Variants in BNC2 observed in about 807,000 individuals in gnomAD.
BNC2 encodes zinc finger protein basonuclin-2.
In BNC2, 20 loss-of-function variants were observed where a neutral mutation model predicts 76.3. That is an observed-to-expected ratio of 0.26 (90% CI 0.18 to 0.38). BNC2 has a LOEUF of 0.38. Ranked by LOEUF, BNC2 falls within the 10% of genes least tolerant of loss-of-function variation. BNC2 has a pLI of 1.00. For synonymous variants in BNC2, 582 were observed against 514.8 expected, an observed-to-expected ratio of 1.13 and a Z score of -1.77; for missense variants, 1,382 against 1,399.8, an observed-to-expected ratio of 0.99 and a Z score of 0.20.
At chr9:16,666,463 A>G (rs1219191188) in intron 3 of BNC2, among the ~76,000 whole-genome samples, 1 of 152,228 alleles carries the variant, frequency 6.6e-6, no homozygotes, top group African/African-American at 2.4e-5. Context: ...TAAAAGAGAG[A>G]AACAACAGCT....
intron 3 of BNC2, among the ~76,000 whole-genome samples, chr9:16,700,757 C>T (rs923738427): frequency 3.3e-5 from 5 of 152,094 alleles, no homozygotes; most frequent in Middle Eastern, 3.4e-3. Flanking sequence ...GTCCAGAGTT[C>T]GAAACCAGCC....
At position 16,799,216 on chromosome 9, in the gene BNC2, G is replaced by C. The variant is rs78253026; in HGVS notation, c.4-60731C>G. ...GAAGCAGAAATTAGTCATAACTCCA[G>C]AGGCAACAACTGATAATATTGACCT... is the stretch of plus-strand genomic sequence containing the variant. On this transcript the variant is annotated intron_variant, in intron 1 of 6. Transcript: ENST00000380672. 6.8e-3 allele frequency among the ~76,000 whole-genome samples: 1,039 copies of C among 152,234 alleles called. 12 individuals are homozygous for C. The highest frequency in any genetic ancestry group is 0.023 in the African/African-American group (968 of 41,554).
chr9:16,499,858 A>G (rs995265075), intron 5 of BNC2, among the ~76,000 whole-genome samples: 5 of 151,878 alleles, frequency 3.3e-5, no homozygotes, highest in African/African-American at 1.2e-4. Context: ...ATAGCCTTCT[A>G]ATTGGTTCTC....
intron 1 of BNC2, among the ~76,000 whole-genome samples, chr9:16,746,115 C>T (rs1824993708): frequency 6.6e-6 from 1 of 152,062 alleles, no homozygotes; most frequent in Non-Finnish European, 1.5e-5. Flanking sequence ...GGTAGCAAAG[C>T]CTGGACCATT....
intron 2 of BNC2, among the ~76,000 whole-genome samples, chr9:16,729,325 A>G (rs1587359116): frequency 6.6e-6 from 1 of 152,336 alleles, no homozygotes; most frequent in African/African-American, 2.4e-5. Context: ...TCAACCACCT[A>G]CAAATATCGA....
At chr9:16,782,489 T>C (rs1303531198) in intron 1 of BNC2, among the ~76,000 whole-genome samples, 2 of 152,136 alleles carry the variant, frequency 1.3e-5, no homozygotes, top group Non-Finnish European at 2.9e-5. Context: ...AGTTTTTACA[T>C]ACTAGTCTAA....
At chr9:16,776,720 T>C (rs995266006) in intron 1 of BNC2, among the ~76,000 whole-genome samples, 3 of 152,216 alleles carry the variant, frequency 2.0e-5, no homozygotes, top group Non-Finnish European at 2.9e-5. Context: ...AACACTTAAG[T>C]AATTCCAAAT....
rs981750019 is a variant in BNC2, at chr9:16,411,355, A to G, written c.*7634T>C. On this transcript the variant is annotated 3_prime_UTR_variant, in exon 7 of 7. Transcript: ENST00000380672. The stretch of plus-strand genomic sequence containing the variant: ...CTTTCAATACTATCTACTTCTCTCC[A>G]TTTTTCTTAAAATACTTCTTTCTGC... 2 of 152,466 alleles carry G rather than the reference A, an allele frequency of 1.3e-5. No individual in the cohort carries two copies. Among genetic ancestry groups the G allele is most frequent in the Non-Finnish European group, 2.9e-5 (2 of 68,016 alleles). The allele number at this position is 152,466 out of a possible 1,614,324, so 9.4% of individuals were successfully genotyped here. A position where few individuals can be genotyped will look rare whatever the true frequency, so the allele number is the denominator to read the frequency against.
intron 3 of BNC2, chr9:16,699,218 A>G (rs964040576): frequency 4.2e-6 from 2 of 470,902 alleles, no homozygotes; most frequent in Admixed American, 2.4e-5. Flanking sequence ...CATCCCCACT[A>G]TATGTGGCAA....
chr9:16,793,162 G>GAAT (rs1239072282), intron 1 of BNC2, among the ~76,000 whole-genome samples: 1 of 152,130 alleles, frequency 6.6e-6, no homozygotes. Context: ...TTGCCCAAAG[G>GAAT]AATACTGTGA....
At chr9:16,736,091 G>A (rs1014748857) in intron 2 of BNC2, among the ~76,000 whole-genome samples, 3 of 151,490 alleles carry the variant, frequency 2.0e-5, no homozygotes, top group South Asian at 2.1e-4. Flanking sequence ...AAACTTAGCC[G>A]GGCATGGTGG....
chr9:16,541,939 T>C (rs937183855), intron 5 of BNC2, among the ~76,000 whole-genome samples: 6 of 152,116 alleles, frequency 3.9e-5, no homozygotes, highest in Admixed American at 3.3e-4. Flanking sequence ...TCAGAGAAGA[T>C]GCAATATACG....
At chr9:16,528,314 C>CAATA (rs1008378134) in intron 5 of BNC2, among the ~76,000 whole-genome samples, 19 of 145,136 alleles carry the variant, frequency 1.3e-4, no homozygotes, top group Non-Finnish European at 1.5e-5. Flanking sequence ...GGTGGGAAAA[C>CAATA]AATAGGTATG....
intron 3 of BNC2, among the ~76,000 whole-genome samples, chr9:16,614,003 G>C (rs1820625449): frequency 6.6e-6 from 1 of 152,210 alleles, no homozygotes; most frequent in South Asian, 2.1e-4. Flanking sequence ...ATGAAAATAA[G>C]TTGTTTTCTG....
At chr9:16,677,262 A>T (rs1822671185) in intron 3 of BNC2, among the ~76,000 whole-genome samples, 1 of 152,142 alleles carries the variant, frequency 6.6e-6, no homozygotes, top group African/African-American at 2.4e-5. Context: ...CCATCAATTA[A>T]AATAAAATTT....
chr9:16,468,906 T>A (rs932873671), intron 5 of BNC2, among the ~76,000 whole-genome samples: 5 of 152,188 alleles, frequency 3.3e-5, no homozygotes, highest in Non-Finnish European at 7.3e-5. Context: ...TCACATAGCA[T>A]TGCAATTGTC....
chr9:16,649,766 T>C (rs1259301166), intron 3 of BNC2, among the ~76,000 whole-genome samples: 1 of 152,180 alleles, frequency 6.6e-6, no homozygotes, highest in African/African-American at 2.4e-5. Context: ...ATAAACTTCA[T>C]TTGTTTGAGA....
At chr9:16,524,938 G>C (rs962433926) in intron 5 of BNC2, among the ~76,000 whole-genome samples, 2 of 152,044 alleles carry the variant, frequency 1.3e-5, no homozygotes, top group Non-Finnish European at 2.9e-5. Context: ...GCTGGGTGTG[G>C]TGGCACCACC....
At chr9:16,515,509 G>T (rs1043866829) in intron 5 of BNC2, among the ~76,000 whole-genome samples, 2 of 151,928 alleles carry the variant, frequency 1.3e-5, no homozygotes, top group East Asian at 3.9e-4. Context: ...CTCCCCTCTG[G>T]CTGTCTGTTT....
Sources: gnomAD v4.1 joint callset for allele counts (sites outside exome capture counted in the v4.1 genomes callset) on GRCh38, gnomAD v4.1.1 for gene constraint, MANE v1.5 for transcripts, NCBI Gene and HGNC (gene_info 2026-07-23, HGNC 2026-07-21) for gene names.